GLMN: variants seen among roughly 807,000 people sequenced by gnomAD.
GLMN encodes glomulin, FKBP associated protein, also known as glomulin.
In GLMN, 75 loss-of-function variants were observed where a neutral mutation model predicts 87.8. The observed-to-expected ratio is 0.85, with a 90% CI of 0.71 to 1.04. GLMN has a LOEUF of 1.04. Among genes scored for constraint, GLMN ranks in the 50% least tolerant of loss-of-function variants. The pLI, the probability that GLMN is intolerant of heterozygous loss-of-function variation, is 0.00. For missense variants in GLMN, 588 were observed against 658.8 expected (o/e 0.89, Z 1.18); for synonymous variants, 206 against 221.6 (o/e 0.93, Z 0.63).
chr1:92,259,002 ACACT>A (rs1277586891), intron 16 of GLMN, among the ~76,000 whole-genome samples: 1 of 152,230 alleles, frequency 6.6e-6, no homozygotes, highest in Non-Finnish European at 1.5e-5. Context: ...AATGAAAAGC[ACACT>A]CACACAGACT....
chr1:92,336,892 T>C, the GLMN span, among the ~76,000 whole-genome samples: 3 of 152,060 alleles, frequency 2.0e-5, no homozygotes, highest in Non-Finnish European at 4.4e-5. Flanking sequence ...CAGAACAGAC[T>C]TAAAGTGCTA....
intron 7 of GLMN, among the ~76,000 whole-genome samples, chr1:92,274,256 TTAAC>T (rs1656574661): frequency 6.6e-6 from 1 of 152,184 alleles, no homozygotes; most frequent in African/African-American, 2.4e-5. Flanking sequence ...CCTCACTGCT[TTAAC>T]TAAACCTGTC....
the GLMN span, among the ~76,000 whole-genome samples, chr1:92,309,625 A>G: frequency 2.6e-5 from 4 of 151,324 alleles, no homozygotes; most frequent in Admixed American, 2.6e-4. Flanking sequence ...ACACATACAC[A>G]TATACAAGTA....
chr1:92,323,516 A>C, the GLMN span: 1 of 1,613,968 alleles, frequency 6.2e-7, no homozygotes, highest in South Asian at 1.1e-5. Flanking sequence ...AATCCTAGCC[A>C]CTTTGAAAAG....
chr1:92,268,124 G>T lies in GLMN; in HGVS notation c.989C>A (p.Ser330Tyr). The T allele has an allele frequency of 7.0e-7, 1 of 1,422,952 alleles. No individual in the cohort carries two copies. The highest frequency in any genetic ancestry group is 1.2e-5 in the South Asian group (1 of 86,740). 88.1% of individuals were successfully genotyped at this position (1,422,952 alleles called of 1,614,324 possible). A position where few individuals can be genotyped will look rare whatever the true frequency, so the allele number is the denominator to read the frequency against. The change falls in exon 10 of 19, where the codon TCT becomes TAT. Residue 330 changes from serine to tyrosine, a missense_variant. By Grantham distance (144) the Ser-to-Tyr change is moderately radical. Transcript: ENST00000370360. ...IEVFLQRTEE[S>Y]VISKGLELLE... is the part of the protein sequence containing the mutation. ...TCTTACCAATCCTTTGGAGATAACA[G>T]ACTCTTCTGTTCTGAAAAATAATAT...
chr1:92,276,120 G>A (rs1296466956), intron 7 of GLMN, among the ~76,000 whole-genome samples: 1 of 152,112 alleles, frequency 6.6e-6, no homozygotes, highest in African/African-American at 2.4e-5. Flanking sequence ...CAGCTACTCA[G>A]GAGGCTGAGG....
chr1:92,315,331 C>G, the GLMN span, among the ~76,000 whole-genome samples: 1 of 151,986 alleles, frequency 6.6e-6, no homozygotes, highest in African/African-American at 2.4e-5. Flanking sequence ...TTCATGGTAC[C>G]CCAAAGCAAT....
chr1:92,361,077 C>CATATATATATATATATA, the GLMN span, among the ~76,000 whole-genome samples: 1 of 142,594 alleles, frequency 7.0e-6, no homozygotes, highest in Non-Finnish European at 1.5e-5. Flanking sequence ...AAGCAAAAAG[C>CATATATATATATATATA]ATATATATAT....
At chr1:92,307,174 A>T in the GLMN span, 2 of 1,574,148 alleles carry the variant, frequency 1.3e-6, no homozygotes, top group Non-Finnish European at 1.7e-6. Flanking sequence ...CTAGATTTAT[A>T]ATGTTCTTTT....
At chr1:92,320,048 T>C in the GLMN span, among the ~76,000 whole-genome samples, 2 of 151,926 alleles carry the variant, frequency 1.3e-5, no homozygotes, top group Non-Finnish European at 2.9e-5. Flanking sequence ...GTAATGGTTC[T>C]AGTAGTAGGC....
chr1:92,322,827 A>C, the GLMN span, among the ~76,000 whole-genome samples: 2 of 150,332 alleles, frequency 1.3e-5, no homozygotes. Context: ...CAGTGAGCTG[A>C]GTTCACACCA....
chr1:92,285,681 T>G (rs1238671912), intron 7 of GLMN, among the ~76,000 whole-genome samples: 1 of 152,204 alleles, frequency 6.6e-6, no homozygotes, highest in East Asian at 1.9e-4. Context: ...CAACTTACCC[T>G]GTTCTTAAAA....
chr1:92,303,929 A>C, upstream of GLMN: 1 of 1,308,040 alleles, frequency 7.6e-7, no homozygotes, highest in East Asian at 2.3e-5. Flanking sequence ...CTGATAAATG[A>C]ACTTTTCTAT....
At chr1:92,328,633 A>G in the GLMN span, among the ~76,000 whole-genome samples, 6 of 152,040 alleles carry the variant, frequency 3.9e-5, no homozygotes, top group Non-Finnish European at 7.4e-5. Context: ...GACCTTCTGA[A>G]TCCTTTTTCT....
chr1:92,299,139 A>T, upstream of GLMN: 1 of 1,515,212 alleles, frequency 6.6e-7, no homozygotes, highest in Non-Finnish European at 8.9e-7. Context: ...GCTCTCGAAA[A>T]GCCGCAGGTA....
chr1:92,333,006 G>A, the GLMN span, among the ~76,000 whole-genome samples: 1 of 151,784 alleles, frequency 6.6e-6, no homozygotes, highest in African/African-American at 2.4e-5. Context: ...AATGGTTAGG[G>A]GTCAAATGAC....
the GLMN span, among the ~76,000 whole-genome samples, chr1:92,338,250 G>T: frequency 6.6e-6 from 1 of 152,066 alleles, no homozygotes; most frequent in Admixed American, 6.6e-5. Context: ...ACCCTCATTA[G>T]GTGTCATGAA....
At chr1:92,317,280 G>A in the GLMN span, among the ~76,000 whole-genome samples, 3 of 152,078 alleles carry the variant, frequency 2.0e-5, no homozygotes, top group Admixed American at 6.5e-5. Flanking sequence ...AGGCCGAGGC[G>A]GGTGAATCAT....
the GLMN span, among the ~76,000 whole-genome samples, chr1:92,326,703 C>T: frequency 6.6e-6 from 1 of 152,184 alleles, no homozygotes; most frequent in South Asian, 2.1e-4. Flanking sequence ...ATGGCTGCCT[C>T]TGCTGTGTCA....
Sources: allele counts gnomAD v4.1 joint callset (sites outside exome capture counted in the v4.1 genomes callset), GRCh38; gene constraint gnomAD v4.1.1; transcripts MANE v1.5; gene names NCBI Gene and HGNC (gene_info 2026-07-23, HGNC 2026-07-21).